OPA1: variants seen among roughly 807,000 people sequenced by gnomAD.
The protein encoded by OPA1 is dynamin-like GTPase OPA1, mitochondrial.
OPA1 carries 59 observed loss-of-function variants against 152.9 expected under a neutral mutation model. The observed-to-expected ratio is 0.39, with a 90% CI of 0.31 to 0.48. OPA1 has a LOEUF of 0.48. OPA1 is among the 20% of genes least tolerant of loss of function. The pLI, the probability that OPA1 is intolerant of heterozygous loss-of-function variation, is 0.96. For synonymous variants in OPA1, 400 were observed against 389.9 expected, an observed-to-expected ratio of 1.03 and a Z score of -0.31; for missense variants, 1,008 against 1,216.8, an observed-to-expected ratio of 0.83 and a Z score of 2.55.
intron 21 of OPA1, among the ~76,000 whole-genome samples, chr3:193,653,112 C>T (rs1577279406): frequency 6.6e-6 from 1 of 152,174 alleles, no homozygotes; most frequent in Non-Finnish European, 1.5e-5. Flanking sequence ...TGACAGGCTG[C>T]TTTTCTTCAT....
chr3:193,656,683 A>G (rs1332081810), intron 22 of OPA1, among the ~76,000 whole-genome samples: 1 of 152,222 alleles, frequency 6.6e-6, no homozygotes, highest in Non-Finnish European at 1.5e-5. Context: ...CTTAGAATAC[A>G]TACCTTATCT....
At chr3:193,658,593 A>T (rs1166881178) in intron 23 of OPA1, among the ~76,000 whole-genome samples, 1 of 152,182 alleles carries the variant, frequency 6.6e-6, no homozygotes, top group African/African-American at 2.4e-5. Context: ...CATGTAGTTA[A>T]ATTTGTAATA....
At chr3:193,622,410 G>A (rs1246712729) in intron 6 of OPA1, among the ~76,000 whole-genome samples, 2 of 151,758 alleles carry the variant, frequency 1.3e-5, no homozygotes, top group African/African-American at 4.8e-5. Context: ...TGTATTTTTA[G>A]TAGAGACAGG....
chr3:193,596,440 G>A (rs766383047), intron 1 of OPA1, among the ~76,000 whole-genome samples: 12 of 98,666 alleles, frequency 1.2e-4, no homozygotes, highest in African/African-American at 3.3e-4. Flanking sequence ...GGATCTTGGC[G>A]TGTTGTCCAG....
intron 29 of OPA1, chr3:193,668,335 T>C (rs1206450711): frequency 6.4e-7 from 1 of 1,551,098 alleles, no homozygotes; most frequent in Admixed American, 2.0e-5. Context: ...TTTCCCCAGC[T>C]CGGACTCAAC....
chr3:193,618,520 C>A, intron 5 of OPA1: 1 of 200,046 alleles, frequency 5.0e-6, no homozygotes, highest in Non-Finnish European at 1.0e-5. Flanking sequence ...AATTGTTTTC[C>A]TGCTATACAT....
At chr3:193,593,452 C>G in intron 1 of OPA1, 43 bp downstream of exon 1, 1 of 1,497,090 alleles carries the variant, frequency 6.7e-7, no homozygotes, top group Non-Finnish European at 9.0e-7. Flanking sequence ...TCTGGGGCCT[C>G]TTGAGAGTGG....
At position 193,643,571 on chromosome 3, in the gene OPA1, T is replaced by C; in HGVS notation, c.1421T>C (p.Phe474Ser). 1 of 1,613,952 alleles carries C rather than the reference T, an allele frequency of 6.2e-7. No individual in the cohort carries two copies. Among genetic ancestry groups the C allele is most frequent in the Non-Finnish European group, 8.5e-7 (1 of 1,179,920 alleles). Residue 474 changes from phenylalanine (F) to serine (S), a missense_variant, in exon 15 of 31, where the codon TTC (phenylalanine) becomes TCC (serine). Around this residue, in one of 7 missense-constraint regions of OPA1, gnomAD observed 213 missense variants for 291.4 expected, o/e 0.73. Coordinates refer to ENST00000361510, the MANE Select transcript of OPA1 (RefSeq NM_130837.3). ...GMAPDTKETI[F>S]SISKAYMQNP... ...GCTCCTGACACAAAGGAAACTATTT[T>C]CAGTATCAGCAAAGCTTACATGCAG...
intron 8 of OPA1, among the ~76,000 whole-genome samples, chr3:193,634,062 G>A (rs987895913): frequency 2.0e-5 from 3 of 152,056 alleles, no homozygotes; most frequent in Non-Finnish European, 4.4e-5. Flanking sequence ...CTTTGTTCTT[G>A]AAAGATTCCA....
At chr3:193,683,231 C>T (rs1383532325) in intron 29 of OPA1, among the ~76,000 whole-genome samples, 1 of 150,566 alleles carries the variant, frequency 6.6e-6, no homozygotes, top group Non-Finnish European at 1.5e-5. Context: ...ACAGATGAAA[C>T]ATTGCTTTTT....
intron 1 of OPA1, among the ~76,000 whole-genome samples, chr3:193,605,488 G>A (rs1382084888): frequency 2.0e-5 from 3 of 152,156 alleles, no homozygotes; most frequent in African/African-American, 4.8e-5. Flanking sequence ...GGTTTAGAAT[G>A]ATCTGTTAGT....
chr3:193,652,643 C>T (rs1025844964), intron 21 of OPA1, among the ~76,000 whole-genome samples: 9 of 152,098 alleles, frequency 5.9e-5, no homozygotes, highest in African/African-American at 2.2e-4. Context: ...AGGACAATCA[C>T]TTTCCTTAAG....
intron 1 of OPA1, among the ~76,000 whole-genome samples, chr3:193,597,226 A>G (rs1725742097): frequency 6.6e-6 from 1 of 152,156 alleles, no homozygotes; most frequent in African/African-American, 2.4e-5. Flanking sequence ...ATGAGTGGCC[A>G]GTGAGATAGA....
intron 6 of OPA1, among the ~76,000 whole-genome samples, chr3:193,625,883 G>A (rs1731039500): frequency 1.3e-5 from 2 of 151,738 alleles, no homozygotes; most frequent in Non-Finnish European, 1.5e-5. Context: ...AAACTATGCT[G>A]TTTTATTTTT....
chr3:193,614,034 A>G (rs1728657237), intron 1 of OPA1: 1 of 513,768 alleles, frequency 1.9e-6, no homozygotes, highest in African/African-American at 1.9e-5. Context: ...GTTGTTGGTA[A>G]CCTTTCATTC....
intron 6 of OPA1, among the ~76,000 whole-genome samples, chr3:193,623,065 G>A (rs1730443451): frequency 1.3e-5 from 2 of 152,138 alleles, no homozygotes; most frequent in South Asian, 4.1e-4. Flanking sequence ...AACAAATAAT[G>A]TAGTAACTGG....
rs528331476 is a variant in OPA1 at position 193,593,810 on chromosome 3, A to G, written c.32+401A>G. ...AGTCACCTCTCTCCACATTTCTCCT[A>G]ACTCTCGGTGTCTTCTTTTTCTTCC... is the stretch of plus-strand genomic sequence containing the variant. On this transcript the variant is annotated intron_variant, in intron 1 of 30. Transcript: ENST00000361510. Among the ~76,000 whole-genome samples, 155 of 138,160 alleles carry G rather than the reference A, an allele frequency of 1.1e-3. 1 individual carries two copies. Among genetic ancestry groups the G allele is most frequent in the African/African-American group, 4.1e-3 (152 of 36,814 alleles). The allele number at this position is 138,160 out of a possible 152,430, so 90.6% of individuals were successfully genotyped here.
rs763464617 is a variant in OPA1 at position 193,645,669 on chromosome 3, G to A, written c.1681+44G>A. 2.5e-6 allele frequency: 4 copies of A among 1,606,522 alleles called. No homozygotes were observed. The South Asian group carries it at 3.3e-5, about 13-fold the overall frequency. The stretch of plus-strand genomic sequence containing the variant: ...TAATAACTTATTTTTAGTTTCTGTT[G>A]TTTTCAAATAATAAAGAGTAATTTT... On this transcript the variant is annotated intron_variant, in intron 17 of 30. Coordinates refer to ENST00000361510, the MANE Select transcript of OPA1 (RefSeq NM_130837.3).
chr3:193,673,568 A>G (rs897405770), intron 29 of OPA1, among the ~76,000 whole-genome samples: 3 of 152,204 alleles, frequency 2.0e-5, no homozygotes, highest in African/African-American at 7.2e-5. Flanking sequence ...TTGTGTTCCT[A>G]CTTAGAATCC....
Sources: gnomAD v4.1 joint callset for allele counts (sites outside exome capture counted in the v4.1 genomes callset) on GRCh38, gnomAD v4.1.1 for gene constraint, gnomAD v4.1.1 regional missense constraint, MANE v1.5 for transcripts, NCBI Gene and HGNC (gene_info 2026-07-23, HGNC 2026-07-21) for gene names.